Variants in BIN3 observed in about 807,000 individuals in gnomAD.
BIN3 encodes the protein bridging integrator 3.
Under a neutral mutation model 38.2 loss-of-function variants are expected in BIN3, and 41 were observed. The observed-to-expected ratio is 1.07, with a 90% CI of 0.84 to 1.39. The LOEUF (loss-of-function observed/expected upper bound fraction) is 1.39, where lower values mean the gene tolerates loss of function less well. Ranked by LOEUF, BIN3 falls within the 40% of genes most tolerant of loss-of-function variation. The pLI is 0.00. For missense variants in BIN3, 361 were observed against 324.3 expected (o/e 1.11, Z -0.87); for synonymous variants, 145 against 122.6 (o/e 1.18, Z -1.21).
intron 6 of BIN3, among the ~76,000 whole-genome samples, chr8:22,628,269 G>C (rs191397486): frequency 6.6e-6 from 1 of 152,360 alleles, no homozygotes; most frequent in Admixed American, 6.5e-5. Flanking sequence ...GGGAGGCTGG[G>C]GGCGGTGGGG....
intron 4 of BIN3, among the ~76,000 whole-genome samples, chr8:22,635,884 G>T (rs1206807375): frequency 6.6e-6 from 1 of 152,106 alleles, no homozygotes; most frequent in East Asian, 1.9e-4. Flanking sequence ...AAGGGCTCTG[G>T]ATGCTCCCTT....
chr8:22,644,538 A>G (rs1802656110), intron 2 of BIN3: 2 of 537,322 alleles, frequency 3.7e-6, no homozygotes, highest in Non-Finnish European at 6.8e-6. Context: ...CAAGGATGAT[A>G]AAGAGCCCAG....
At chr8:22,642,897 T>C (rs1364064966) in intron 2 of BIN3, among the ~76,000 whole-genome samples, 2 of 152,110 alleles carry the variant, frequency 1.3e-5, no homozygotes, top group African/African-American at 2.4e-5. Flanking sequence ...GCGAGACAGA[T>C]GCGAGGAAGG....
chr8:22,636,873 C>A, intron 3 of BIN3, 49 bp downstream of exon 3: 1 of 1,580,314 alleles, frequency 6.3e-7, no homozygotes, highest in South Asian at 1.1e-5. Context: ...GGCAGGGGGC[C>A]CTTGTCCCTC....
At chr8:22,649,117 C>T (rs1021784215) in intron 1 of BIN3, among the ~76,000 whole-genome samples, 1 of 152,188 alleles carries the variant, frequency 6.6e-6, no homozygotes, top group African/African-American at 2.4e-5. Flanking sequence ...TGCCATGATT[C>T]AGCCAAGTGG....
At chr8:22,663,232 G>A (rs1010097851) in intron 1 of BIN3, among the ~76,000 whole-genome samples, 1 of 151,686 alleles carries the variant, frequency 6.6e-6, no homozygotes, top group Admixed American at 6.6e-5. Flanking sequence ...GTGTGTGTGA[G>A]TTGTGATATC....
chr8:22,659,765 T>C (rs568502604), intron 1 of BIN3, among the ~76,000 whole-genome samples: 1 of 152,348 alleles, frequency 6.6e-6, no homozygotes, highest in East Asian at 1.9e-4. Flanking sequence ...TTCCTGTGTC[T>C]CCGTCTCTTT....
chr8:22,630,376 A>T, intron 5 of BIN3, 66 bp downstream of exon 5: 1 of 1,595,886 alleles, frequency 6.3e-7, no homozygotes, highest in Non-Finnish European at 8.6e-7. Context: ...CTCCCCGCAC[A>T]GTCCACCCAG....
At chr8:22,665,769 GC>G (rs1803397435) in intron 1 of BIN3, among the ~76,000 whole-genome samples, 1 of 152,194 alleles carries the variant, frequency 6.6e-6, no homozygotes, top group Non-Finnish European at 1.5e-5. Context: ...GAAGATGATG[GC>G]AAGGGACTAC....
At chr8:22,631,923 G>A (rs1478387408) in intron 4 of BIN3, among the ~76,000 whole-genome samples, 1 of 152,232 alleles carries the variant, frequency 6.6e-6, no homozygotes, top group Non-Finnish European at 1.5e-5. Flanking sequence ...AAATTCTGGA[G>A]GGGCAGGAAG....
At chr8:22,627,421 G>A (rs555858795) in intron 6 of BIN3, among the ~76,000 whole-genome samples, 43 of 152,284 alleles carry the variant, frequency 2.8e-4, no homozygotes, top group African/African-American at 9.9e-4. Flanking sequence ...CCAAAGCCCC[G>A]GGGTGGACAG....
chr8:22,629,478 C>T (rs924294087), intron 6 of BIN3, among the ~76,000 whole-genome samples: 1 of 152,222 alleles, frequency 6.6e-6, no homozygotes, highest in Non-Finnish European at 1.5e-5. Context: ...AGCTAGAGGA[C>T]CTTCCCGGGC....
chr8:22,649,000 T>C (rs1292177886), intron 1 of BIN3, among the ~76,000 whole-genome samples: 1 of 152,154 alleles, frequency 6.6e-6, no homozygotes, highest in Non-Finnish European at 1.5e-5. Context: ...GTGCATCTTG[T>C]ACATTTCCTG....
chr8:22,623,005 G>A (rs1208880562), intron 8 of BIN3, among the ~76,000 whole-genome samples: 1 of 152,214 alleles, frequency 6.6e-6, no homozygotes, highest in Non-Finnish European at 1.5e-5. Context: ...GCACTGGCCA[G>A]GCTTCACGGC....
Position 22,621,433 on chromosome 8 carries a change from C to T in BIN3, c.751G>A (p.Ala251Thr), listed in dbSNP as rs1178748700. 1 of 1,613,262 alleles carries T rather than the reference C, an allele frequency of 6.2e-7. No homozygotes were observed. The highest frequency in any genetic ancestry group is 8.5e-7 in the Non-Finnish European group (1 of 1,179,646). The change falls in exon 9 of 9, where the codon GCC becomes ACC. Residue 251 changes from alanine (A) to threonine (T), a missense_variant. Coordinates refer to ENST00000276416, the MANE Select transcript of BIN3 (RefSeq NM_018688.6). ...LSELRALSIVADD is the reference protein window; with the variant it reads ...LSELRALSIVTDD ...AGAGTGACGGGGATTCAGTCATCGG[C>T]CACAATGGAGAGGGCCCGGAGCTCA...
At chr8:22,644,317 C>A (rs4242434) in intron 2 of BIN3, among the ~76,000 whole-genome samples, 39,695 of 152,206 alleles carry the variant, frequency 0.26, 5,639 homozygotes, top group Non-Finnish European at 0.32. Flanking sequence ...TGGAAGTTGA[C>A]ACAAACAGGC....
rs775377142 is a variant in BIN3, at chr8:22,649,316, T to C, written c.9-4513A>G. 1.2e-4 allele frequency among the ~76,000 whole-genome samples: 19 copies of C among 152,334 alleles called. No individual in the cohort carries two copies. The East Asian group carries it at 3.3e-3, about 26-fold the overall frequency. On this transcript the variant is annotated intron_variant, in intron 1 of 8. Transcript: ENST00000276416. ...CACCTTCTTCTAAACGTCAAAGACT[T>C]ATTTGGCATTTAAAAAATTCTACCC...
intron 1 of BIN3, among the ~76,000 whole-genome samples, chr8:22,657,163 G>A (rs535159180): frequency 6.6e-5 from 10 of 152,232 alleles, no homozygotes; most frequent in Non-Finnish European, 1.5e-4. Flanking sequence ...GTCTAGTTCT[G>A]TGCACATAGT....
chr8:22,644,899 G>C (rs759967176), intron 1 of BIN3, 96 bp from the exon 2 acceptor site: 86 of 1,112,678 alleles, frequency 7.7e-5, no homozygotes, highest in Non-Finnish European at 1.1e-4. Flanking sequence ...CCCCAGGAGG[G>C]CGAGGAAGCG....
Sources: allele counts gnomAD v4.1 joint callset (sites outside exome capture counted in the v4.1 genomes callset), GRCh38; gene constraint gnomAD v4.1.1; transcripts MANE v1.5; gene names NCBI Gene and HGNC (gene_info 2026-07-23, HGNC 2026-07-21).